VPS35: variants seen among roughly 807,000 people sequenced by gnomAD.
VPS35 encodes the protein vacuolar protein sorting-associated protein 35.
In VPS35, 21 loss-of-function variants were observed where a neutral mutation model predicts 98.1. The ratio of observed to expected loss-of-function variants is 0.21; its 90% CI spans 0.15 to 0.31. VPS35 has a LOEUF of 0.31. Ranked by LOEUF, VPS35 falls within the 10% of genes least tolerant of loss-of-function variation. VPS35 has a pLI of 1.00. For missense variants in VPS35, 554 were observed against 950.8 expected, an observed-to-expected ratio of 0.58 and a Z score of 5.49; for synonymous variants, 268 against 318.2, an observed-to-expected ratio of 0.84 and a Z score of 1.68.
At chr16:46,681,309 A>G (rs1966231806) in intron 4 of VPS35, 68 bp downstream of exon 4, 2 of 1,603,066 alleles carry the variant, frequency 1.2e-6, no homozygotes, top group Admixed American at 3.3e-5. Flanking sequence ...TTAAGCTGAT[A>G]ATCATAAAAG....
chr16:46,666,840 T>A (rs1381705751), intron 13 of VPS35, among the ~76,000 whole-genome samples: 1 of 152,234 alleles, frequency 6.6e-6, no homozygotes, highest in Non-Finnish European at 1.5e-5. Flanking sequence ...CACACATATA[T>A]ACACAACACA....
At chr16:46,669,171 T>G in intron 12 of VPS35, 119 bp from the exon 13 acceptor site, 2 of 1,259,278 alleles carry the variant, frequency 1.6e-6, no homozygotes, top group Non-Finnish European at 2.3e-6. Flanking sequence ...TGTACCATAC[T>G]TTATGGTAGG....
At chr16:46,672,148 T>C in intron 11 of VPS35, 117 bp downstream of exon 11, 5 of 902,078 alleles carry the variant, frequency 5.5e-6, no homozygotes, top group South Asian at 1.6e-5. Flanking sequence ...AATGAAAAAG[T>C]TACTTGTAAA....
At chr16:46,683,177 G>A (rs1223814253) in intron 2 of VPS35, 5 of 382,602 alleles carry the variant, frequency 1.3e-5, no homozygotes, top group African/African-American at 2.1e-5. Context: ...CAGGTCTGAG[G>A]TATAGAACCA....
At position 46,689,112 on chromosome 16, in the gene VPS35, C is replaced by A. The variant is rs746793784; in HGVS notation, c.3+19G>T. On this transcript the variant is annotated intron_variant, in intron 1 of 16. Transcript: ENST00000299138. The stretch of plus-strand genomic sequence containing the variant: ...ACAAGGAGGGTCGACCCAGGTGCCA[C>A]TGCCCCCTCAGCACTCACCATGGCG... 6 of 1,608,118 alleles carry A rather than the reference C, an allele frequency of 3.7e-6. No individual in the cohort carries two copies. Among genetic ancestry groups the A allele is most frequent in the Non-Finnish European group, 5.1e-6 (6 of 1,178,094 alleles).
At position 46,662,433 on chromosome 16, in the gene VPS35, G is replaced by A. The variant is rs201998902; in HGVS notation, c.1877C>T (p.Ala626Val). ...DEISDSKAQL[A>V]AITLIIGTFE... ...AGTGCCAATGATCAAGGTGATGGCA[G>A]CTAGCTGTGCTTTGGAATCGCTGAT... Residue 626 changes from alanine to valine, a missense_variant, in exon 15 of 17, where the codon GCT becomes GTT. Coordinates refer to ENST00000299138, the MANE Select transcript of VPS35 (RefSeq NM_018206.6). 6.2e-7 allele frequency: 1 copy of A among 1,614,180 alleles called. No homozygotes were observed. Among genetic ancestry groups the A allele is most frequent in the African/African-American group, 1.3e-5 (1 of 75,040 alleles).
chr16:46,673,805 C>T (rs1342584690), intron 10 of VPS35: 1 of 156,116 alleles, frequency 6.4e-6, no homozygotes, highest in Non-Finnish European at 1.4e-5. Flanking sequence ...ACAAAGTTTC[C>T]TTACCAGTTT....
At chr16:46,669,249 C>A in intron 12 of VPS35, 197 bp from the exon 13 acceptor site, 2 of 669,294 alleles carry the variant, frequency 3.0e-6, no homozygotes, top group Non-Finnish European at 5.0e-6. Flanking sequence ...TTCCATTTCA[C>A]AAATGGGGAA....
At chr16:46,678,813 A>C in intron 6 of VPS35, 130 bp downstream of exon 6, 1 of 887,866 alleles carries the variant, frequency 1.1e-6, no homozygotes, top group African/African-American at 1.7e-5. Flanking sequence ...TTTCCGTTTA[A>C]GTCTTCTTCA....
chr16:46,666,895 T>C lies in VPS35; in HGVS notation c.1647+2035A>G, dbSNP rs189658161. 1.6e-4 allele frequency among the ~76,000 whole-genome samples: 24 copies of C among 152,332 alleles called. No homozygotes were observed. In the East Asian group the frequency reaches 3.9e-3, roughly 24 times the overall value. On this transcript the variant is annotated intron_variant, in intron 13 of 16. Coordinates refer to ENST00000299138, the MANE Select transcript of VPS35 (RefSeq NM_018206.6). ...GATGGACACTAAGGTTGTTTCCATA[T>C]CTCAGCCATTGTGAATAATGCTGCA...
At chr16:46,681,239 G>C in intron 4 of VPS35, 138 bp downstream of exon 4, 8 of 1,221,636 alleles carry the variant, frequency 6.5e-6, no homozygotes, top group Non-Finnish European at 9.4e-6. Context: ...AAACAAGTAA[G>C]AGAATATCTA....
At chr16:46,676,988 C>T (rs1966161213) in intron 7 of VPS35, among the ~76,000 whole-genome samples, 1 of 151,414 alleles carries the variant, frequency 6.6e-6, no homozygotes, top group Admixed American at 6.6e-5. Flanking sequence ...AAGTTAGAAA[C>T]AGAAAATTCC....
chr16:46,662,036 A>G (rs1965921619), intron 15 of VPS35, among the ~76,000 whole-genome samples, 175 bp from the exon 16 acceptor site: 1 of 152,176 alleles, frequency 6.6e-6, no homozygotes, highest in South Asian at 2.1e-4. Flanking sequence ...TTTTAAAAAC[A>G]GGTAGTGGTT....
intron 13 of VPS35, among the ~76,000 whole-genome samples, chr16:46,667,688 T>C (rs1168317643): frequency 6.6e-6 from 1 of 152,184 alleles, no homozygotes; most frequent in Non-Finnish European, 1.5e-5. Context: ...TTTGAGTTCA[T>C]TATTATATAT....
In VPS35 at chr16:46,656,620, T is replaced by A. The variant is rs1010094820; in HGVS notation, c.*3852A>T. 1.3e-5 allele frequency: 2 copies of A among 152,222 alleles called. No homozygotes were observed. Among genetic ancestry groups the A allele is most frequent in the Non-Finnish European group, 2.9e-5 (2 of 68,048 alleles). The allele number at this position is 152,222 out of a possible 1,614,324, so 9.4% of individuals were successfully genotyped here. A position where few individuals can be genotyped will look rare whatever the true frequency, so the allele number is the denominator to read the frequency against. On this transcript the variant is annotated 3_prime_UTR_variant, in exon 17 of 17. Transcript: ENST00000299138. The stretch of plus-strand genomic sequence containing the variant: ...CCAAAGGTTTCCTTGTGTTTCTATT[T>A]CTCTAAGTGAAAATGGATTTAAGTC...
At chr16:46,686,699 AC>A (rs1462777303) in intron 1 of VPS35, among the ~76,000 whole-genome samples, 1 of 152,238 alleles carries the variant, frequency 6.6e-6, no homozygotes, top group Non-Finnish European at 1.5e-5. Flanking sequence ...TAATATGAGC[AC>A]GCTATCATTA....
chr16:46,667,857 C>T (rs1966011894), intron 13 of VPS35, among the ~76,000 whole-genome samples: 1 of 152,124 alleles, frequency 6.6e-6, no homozygotes. Flanking sequence ...TCTAGACTCT[C>T]TATTCTGTTC....
At chr16:46,665,694 T>C (rs990154460) in intron 13 of VPS35, among the ~76,000 whole-genome samples, 1 of 152,250 alleles carries the variant, frequency 6.6e-6, no homozygotes, top group Non-Finnish European at 1.5e-5. Context: ...TTACTTTTAT[T>C]TATTTGCCCT....
At position 46,671,735 on chromosome 16, in the gene VPS35, C is replaced by T. The variant is rs769027812; in HGVS notation, c.1494G>A (p.Leu498=). The change falls in exon 12 of 17, where the codon CTG becomes CTA. Residue 498 remains leucine, a synonymous_variant. Transcript: ENST00000299138. Reference sequence around the variant, plus strand: ...ACTGCTGGTCAGGGTCCTCAGAGCGCAGCAGATGAATGAAGCGGCCCACAA... The same window carrying T: ...ACTGCTGGTCAGGGTCCTCAGAGCGTAGCAGATGAATGAAGCGGCCCACAA... ...QSLVGRFIHL[L]RSEDPDQQYL... 8 of 1,614,016 alleles carry T rather than the reference C, an allele frequency of 5.0e-6. No homozygotes were observed. The South Asian group carries it at 8.8e-5, about 18-fold the overall frequency.
Sources: gnomAD v4.1 joint callset for allele counts (sites outside exome capture counted in the v4.1 genomes callset) on GRCh38, gnomAD v4.1.1 for gene constraint, MANE v1.5 for transcripts, NCBI Gene and HGNC (gene_info 2026-07-23, HGNC 2026-07-21) for gene names.